SLC6A5: variants seen among roughly 807,000 people sequenced by gnomAD.
The protein encoded by SLC6A5 is sodium- and chloride-dependent glycine transporter 2.
A neutral mutation model predicts 90.5 loss-of-function variants in SLC6A5; 58 were observed. That is an observed-to-expected ratio of 0.64 (90% CI 0.52 to 0.80). The LOEUF is 0.80. Among genes scored for constraint, SLC6A5 ranks in the 30% least tolerant of loss-of-function variants. SLC6A5 has a pLI of 0.00. For synonymous variants in SLC6A5, 427 were observed against 401.4 expected, an observed-to-expected ratio of 1.06 and a Z score of -0.76; for missense variants, 1,015 against 1,017.6, an observed-to-expected ratio of 1.00 and a Z score of 0.03.
chr11:20,626,660 A>G (rs777436579), intron 7 of SLC6A5, 48 bp from the exon 8 acceptor site: 51 of 1,603,480 alleles, frequency 3.2e-5, no homozygotes, highest in Non-Finnish European at 4.0e-5. Flanking sequence ...GCACAGGTGC[A>G]CTCTGCAGGG....
intron 2 of SLC6A5, among the ~76,000 whole-genome samples, chr11:20,603,832 G>A (rs2133770890): frequency 6.6e-6 from 1 of 151,920 alleles, no homozygotes; most frequent in African/African-American, 2.4e-5. Flanking sequence ...GTTTTTTTTT[G>A]TGGGAGAGGG....
At chr11:20,619,812 C>A (rs1029155498) in intron 7 of SLC6A5, among the ~76,000 whole-genome samples, 1 of 152,110 alleles carries the variant, frequency 6.6e-6, no homozygotes, top group Non-Finnish European at 1.5e-5. Context: ...TACTCTGTGA[C>A]CTCAGTTTCC....
chr11:20,652,801 C>T (rs1399846375), intron 15 of SLC6A5, among the ~76,000 whole-genome samples: 1 of 152,186 alleles, frequency 6.6e-6, no homozygotes, highest in Non-Finnish European at 1.5e-5. Context: ...AACCACACAT[C>T]AGATTCCCCC....
intron 9 of SLC6A5, among the ~76,000 whole-genome samples, chr11:20,630,371 A>G (rs1853085515): frequency 6.6e-6 from 1 of 152,176 alleles, no homozygotes; most frequent in Non-Finnish European, 1.5e-5. Flanking sequence ...ATACTATCAA[A>G]TTGTGGATTA....
At chr11:20,603,936 G>A (rs985605018) in intron 2 of SLC6A5, among the ~76,000 whole-genome samples, 2 of 152,044 alleles carry the variant, frequency 1.3e-5, no homozygotes, top group Admixed American at 1.3e-4. Context: ...GGGATGGAGG[G>A]ACCTGCTTGC....
Position 20,607,600 on chromosome 11 carries a change from C to A in SLC6A5, c.933C>A (p.Cys311Ter). 1 of 1,614,144 alleles carries A rather than the reference C, an allele frequency of 6.2e-7. No individual in the cohort carries two copies. Among genetic ancestry groups the A allele is most frequent in the Non-Finnish European group, 8.5e-7 (1 of 1,180,002 alleles). Residue 311 changes from cysteine (C) to a stop codon, truncating the protein, a stop_gained, in exon 5 of 16, where the codon TGC (cysteine) becomes TGA (stop). Coordinates refer to ENST00000525748, the MANE Select transcript of SLC6A5 (RefSeq NM_004211.5). LOFTEE classifies it high-confidence loss of function. ...SFVSVLPWGSCNNPWNTPECK... is the reference protein window; with the variant it reads ...SFVSVLPWGS ...TGTCTGTACTACCCTGGGGCTCCTG[C>A]AACAACCCTTGGAATACGCCAGAAT...
chr11:20,600,306 T>C (rs1226102316), intron 1 of SLC6A5, among the ~76,000 whole-genome samples: 1 of 142,858 alleles, frequency 7.0e-6, no homozygotes, highest in Non-Finnish European at 1.5e-5. Flanking sequence ...ATTAGACTCC[T>C]GTGAATAGTT....
At chr11:20,608,958 CTGTGTGTG>C (rs71063652) in intron 5 of SLC6A5, among the ~76,000 whole-genome samples, 4 of 110,860 alleles carry the variant, frequency 3.6e-5, no homozygotes, top group Non-Finnish European at 8.1e-5. Flanking sequence ...CTCTCTCTCT[CTGTGTGTG>C]TGTGTGTGTG....
At position 20,655,148 on chromosome 11, in the gene SLC6A5, G is replaced by C. The variant is rs977448029; in HGVS notation, c.*280G>C. 5 of 444,544 alleles carry C rather than the reference G, an allele frequency of 1.1e-5. No individual in the cohort carries two copies. The highest frequency in any genetic ancestry group is 2.1e-5 in the Non-Finnish European group (5 of 236,968). 27.5% of individuals were successfully genotyped at this position (444,544 alleles called of 1,614,324 possible). ...CGTTTTACCCTGCAGAGGAGGATCA[G>C]TTAGGTGAGCACTGGTAGGTATGCG... is the stretch of plus-strand genomic sequence containing the variant. On this transcript the variant is annotated 3_prime_UTR_variant, in exon 16 of 16. Transcript: ENST00000525748.
intron 14 of SLC6A5, among the ~76,000 whole-genome samples, chr11:20,650,961 C>T (rs1301984051): frequency 2.6e-5 from 4 of 151,648 alleles, no homozygotes; most frequent in Admixed American, 6.6e-5. Flanking sequence ...CCACCGCGCC[C>T]GGCCAGACGC....
chr11:20,602,361 T>C (rs1852496682), intron 2 of SLC6A5, among the ~76,000 whole-genome samples: 1 of 152,198 alleles, frequency 6.6e-6, no homozygotes, highest in Admixed American at 6.5e-5. Context: ...ACTACTTAAT[T>C]AGAGGCGTGA....
In SLC6A5 at chr11:20,654,571, G is replaced by A. The variant is rs1590186108; in HGVS notation, c.2239-142G>A. On this transcript the variant is annotated intron_variant, in intron 15 of 15. Transcript: ENST00000525748. ...TTAATGAACGCTTATCTTCCTAACT[G>A]CCTCTCTTGGTAGAGGGCCTCTTGG... is the stretch of plus-strand genomic sequence containing the variant. 7 of 759,204 alleles carry A rather than the reference G, an allele frequency of 9.2e-6. No individual in the cohort carries two copies. In the East Asian group the frequency reaches 1.5e-4, roughly 16 times the overall value. The allele number at this position is 759,204 out of a possible 1,614,324, so 47.0% of individuals were successfully genotyped here. A position where few individuals can be genotyped will look rare whatever the true frequency, so the allele number is the denominator to read the frequency against.
intron 5 of SLC6A5, among the ~76,000 whole-genome samples, chr11:20,609,768 G>T (rs867331573): frequency 7.2e-5 from 11 of 152,312 alleles, no homozygotes; most frequent in African/African-American, 2.6e-4. Context: ...TCTCAGTGCT[G>T]CAAGGGACAC....
At chr11:20,644,261 A>G (rs1427600900) in intron 13 of SLC6A5, among the ~76,000 whole-genome samples, 1 of 152,200 alleles carries the variant, frequency 6.6e-6, no homozygotes, top group Non-Finnish European at 1.5e-5. Flanking sequence ...AACCTCTGGT[A>G]ACTACCATTC....
intron 2 of SLC6A5, among the ~76,000 whole-genome samples, chr11:20,602,527 A>G (rs1852499781): frequency 6.6e-6 from 1 of 151,804 alleles, no homozygotes; most frequent in Admixed American, 6.6e-5. Flanking sequence ...TTTTTCATCA[A>G]CTTCAGCTCT....
chr11:20,630,548 G>A, intron 9 of SLC6A5, 143 bp from the exon 10 acceptor site: 1 of 962,968 alleles, frequency 1.0e-6, no homozygotes, highest in South Asian at 1.3e-5. Context: ...GCCCAAGGGA[G>A]CCTGTGGTTA....
rs1853670435 is a variant in SLC6A5, at chr11:20,659,070, T to G, written c.*4202T>G. Reference sequence around the variant, plus strand: ...ATGATGCATCATATATATATATATATATATATATATATCTTATAGATTACA... The same window carrying G: ...ATGATGCATCATATATATATATATAGATATATATATATCTTATAGATTACA... On this transcript the variant is annotated 3_prime_UTR_variant, in exon 16 of 16. Transcript: ENST00000525748. 6.7e-6 allele frequency: 1 copy of G among 148,618 alleles called. No individual in the cohort carries two copies. Among genetic ancestry groups the G allele is most frequent in the South Asian group, 2.1e-4 (1 of 4,784 alleles). The allele number at this position is 148,618 out of a possible 1,614,324, so 9.2% of individuals were successfully genotyped here.
chr11:20,606,970 G>A (rs1349801214), intron 3 of SLC6A5, 37 bp from the exon 4 acceptor site: 2 of 1,613,694 alleles, frequency 1.2e-6, no homozygotes, highest in Non-Finnish European at 1.7e-6. Context: ...GCCTGCTTTT[G>A]CCTCCTAGGG....
intron 14 of SLC6A5, among the ~76,000 whole-genome samples, chr11:20,650,158 G>A (rs1853496897): frequency 6.6e-6 from 1 of 152,124 alleles, no homozygotes; most frequent in African/African-American, 2.4e-5. Flanking sequence ...GGAAGAGAGG[G>A]GTGGGGAGAG....
Sources: allele counts gnomAD v4.1 joint callset (sites outside exome capture counted in the v4.1 genomes callset), GRCh38; gene constraint gnomAD v4.1.1; transcripts MANE v1.5; gene names NCBI Gene and HGNC (gene_info 2026-07-23, HGNC 2026-07-21).